CHRM3: variants seen among roughly 807,000 people sequenced by gnomAD.
CHRM3 encodes the protein cholinergic receptor muscarinic 3.
A neutral mutation model predicts 41.8 loss-of-function variants in CHRM3; 11 were observed. That is an observed-to-expected ratio of 0.26 (90% confidence interval 0.17 to 0.44). The LOEUF is 0.44. Among genes scored for constraint, CHRM3 ranks in the 20% least tolerant of loss-of-function variants. The pLI is 1.00. For synonymous variants in CHRM3, 297 were observed against 301.4 expected (o/e 0.99, Z 0.15); for missense variants, 571 against 745.4 (o/e 0.77, Z 2.72).
intron 1 of CHRM3, among the ~76,000 whole-genome samples, chr1:239,442,224 A>G (rs1663783649): frequency 6.6e-6 from 1 of 151,720 alleles, no homozygotes; most frequent in Non-Finnish European, 1.5e-5. Flanking sequence ...CTTGTGCCTC[A>G]GCCTCCTGAG....
At chr1:239,449,753 T>TGTGTGCGC (rs58076099) in intron 1 of CHRM3, among the ~76,000 whole-genome samples, 8 of 151,580 alleles carry the variant, frequency 5.3e-5, no homozygotes, top group Non-Finnish European at 7.4e-5. Flanking sequence ...TGTGTGTGTG[T>TGTGTGCGC]GCGTGTGTGT....
At chr1:239,491,561 A>G (rs1170336617) in intron 1 of CHRM3, among the ~76,000 whole-genome samples, 1 of 152,186 alleles carries the variant, frequency 6.6e-6, no homozygotes, top group Non-Finnish European at 1.5e-5. Flanking sequence ...TATATATACC[A>G]CATTTTCTGT....
At chr1:239,628,892 C>G (rs1361703056) in intron 3 of CHRM3, among the ~76,000 whole-genome samples, 2 of 74,640 alleles carry the variant, frequency 2.7e-5, no homozygotes, top group Non-Finnish European at 5.3e-5. Context: ...GGGAGAACCA[C>G]TGCTCTCTTC....
At chr1:239,401,631 C>G (rs183319749) in intron 1 of CHRM3, among the ~76,000 whole-genome samples, 3 of 152,076 alleles carry the variant, frequency 2.0e-5, no homozygotes, top group African/African-American at 7.2e-5. Flanking sequence ...GCCCGGACTA[C>G]AGGCACACAC....
chr1:239,818,384 T>G (rs550782973), intron 5 of CHRM3, among the ~76,000 whole-genome samples: 2 of 152,274 alleles, frequency 1.3e-5, no homozygotes, highest in South Asian at 4.1e-4. Flanking sequence ...AAAACACAAT[T>G]CAGTCCATAA....
rs1482217301 is a variant in CHRM3, at chr1:239,632,256, A to G, written c.-280A>G. The G allele has an allele frequency of 1.3e-5, 2 of 152,214 alleles. No individual in the cohort carries two copies. Among genetic ancestry groups the G allele is most frequent in the Non-Finnish European group, 2.9e-5 (2 of 68,044 alleles). The allele number at this position is 152,214 out of a possible 1,614,324, so 9.4% of individuals were successfully genotyped here. On this transcript the variant is annotated 5_prime_UTR_variant, in exon 4 of 7. Coordinates refer to ENST00000676153, the MANE Select transcript of CHRM3 (RefSeq NM_001375978.1). ...GTTCTGATTAGTGGCCAAATAAATG[A>G]CAGTCAGAACTTCAGCTAAGGTACA...
At chr1:239,740,904 G>C (rs1384382558) in intron 5 of CHRM3, among the ~76,000 whole-genome samples, 2 of 152,196 alleles carry the variant, frequency 1.3e-5, no homozygotes, top group East Asian at 3.9e-4. Context: ...TGAGGGTGAA[G>C]GTTAAATTTA....
chr1:239,661,838 G>T (rs1375666340), intron 4 of CHRM3, among the ~76,000 whole-genome samples: 1 of 152,024 alleles, frequency 6.6e-6, no homozygotes, highest in Non-Finnish European at 1.5e-5. Flanking sequence ...ATCAATATTG[G>T]TTCACTTGTT....
chr1:239,666,751 T>C (rs1673847823), intron 4 of CHRM3, among the ~76,000 whole-genome samples: 1 of 152,106 alleles, frequency 6.6e-6, no homozygotes, highest in South Asian at 2.1e-4. Context: ...AGGCTGAGGT[T>C]TGGGGTATGA....
intron 5 of CHRM3, among the ~76,000 whole-genome samples, chr1:239,765,787 TAATAA>T (rs369854718): frequency 1.4e-4 from 21 of 152,142 alleles, no homozygotes; most frequent in African/African-American, 4.3e-4. Flanking sequence ...GAACTAAGTT[TAATAA>T]AATGAATGAG....
intron 1 of CHRM3, among the ~76,000 whole-genome samples, chr1:239,408,861 G>A (rs1461935961): frequency 6.6e-6 from 1 of 151,386 alleles, no homozygotes; most frequent in Non-Finnish European, 1.5e-5. Flanking sequence ...GACTCAAGCA[G>A]TCCTCCCGCT....
At chr1:239,898,359 A>G (rs552471630) in intron 6 of CHRM3, 1 of 152,272 alleles carries the variant, frequency 6.6e-6, no homozygotes, top group African/African-American at 2.4e-5. Context: ...GCCATTCACC[A>G]GGTAGTTTTA....
At chr1:239,471,976 G>T (rs1263325835) in intron 1 of CHRM3, among the ~76,000 whole-genome samples, 1 of 151,916 alleles carries the variant, frequency 6.6e-6, no homozygotes, top group Non-Finnish European at 1.5e-5. Flanking sequence ...TTGTTATTTT[G>T]TTTTGTTTTG....
At chr1:239,833,355 T>A (rs910944257) in intron 6 of CHRM3, among the ~76,000 whole-genome samples, 1 of 152,194 alleles carries the variant, frequency 6.6e-6, no homozygotes, top group Non-Finnish European at 1.5e-5. Flanking sequence ...CTAGGATGAA[T>A]ATAGTCTAGA....
intron 4 of CHRM3, among the ~76,000 whole-genome samples, chr1:239,660,724 A>T (rs1673120163): frequency 6.6e-6 from 1 of 152,122 alleles, no homozygotes; most frequent in African/African-American, 2.4e-5. Context: ...CTCTACTAAA[A>T]ATACAAAACA....
chr1:239,436,404 C>G (rs1663272939), intron 1 of CHRM3, among the ~76,000 whole-genome samples: 1 of 152,122 alleles, frequency 6.6e-6, no homozygotes, highest in Non-Finnish European at 1.5e-5. Flanking sequence ...GGACAGAGCT[C>G]TATGTCCTGC....
chr1:239,714,597 C>A (rs1262812113), intron 5 of CHRM3, among the ~76,000 whole-genome samples: 2 of 152,136 alleles, frequency 1.3e-5, no homozygotes, highest in Non-Finnish European at 2.9e-5. Context: ...AAACACATAA[C>A]ACAGCAGGAA....
intron 6 of CHRM3, among the ~76,000 whole-genome samples, chr1:239,854,183 C>T (rs900645567): frequency 6.6e-6 from 1 of 152,016 alleles, no homozygotes; most frequent in Non-Finnish European, 1.5e-5. Context: ...GCAATATAAA[C>T]GAAGAGACCA....
In CHRM3 at chr1:239,907,850, A is replaced by G. The variant is rs771202844; in HGVS notation, c.399A>G (p.Arg133=). ...NLFTTYIIMN[R]WALGNLACDL... is the part of the protein sequence containing the mutation. The stretch of plus-strand genomic sequence containing the variant: ...TTACGACCTACATCATCATGAATCG[A>G]TGGGCCTTAGGGAACTTGGCCTGTG... Residue 133 remains arginine (R), a synonymous_variant, in exon 7 of 7, where the codon CGA becomes CGG. Transcript: ENST00000676153. The surrounding 1 kb of genome is among the most constrained non-coding windows in gnomAD (Gnocchi z 5.4). The G allele has an allele frequency of 3.7e-6, 6 of 1,614,202 alleles. No individual in the cohort carries two copies. The highest frequency in any genetic ancestry group is 5.1e-6 in the Non-Finnish European group (6 of 1,180,028).
Sources: gnomAD v4.1 joint callset for allele counts (sites outside exome capture counted in the v4.1 genomes callset) on GRCh38, gnomAD v4.1.1 for gene constraint, Gnocchi (gnomAD v3.1) non-coding constraint, MANE v1.5 for transcripts, NCBI Gene and HGNC (gene_info 2026-07-23, HGNC 2026-07-21) for gene names.